Variants in IFIT3 observed in about 807,000 individuals in gnomAD.
IFIT3 encodes interferon-induced protein with tetratricopeptide repeats 3.
A neutral mutation model predicts 2.4 loss-of-function variants in IFIT3; 2 were observed. The observed-to-expected ratio is 0.82, with a 90% CI of 0.34 to 2.60. IFIT3 has a LOEUF of 2.60. Among genes scored for constraint, IFIT3 ranks in the 30% most tolerant of loss-of-function variants. IFIT3 has a pLI of 0.11. For missense variants in IFIT3, 481 were observed against 562.4 expected, an observed-to-expected ratio of 0.86 and a Z score of 1.46; for synonymous variants, 203 against 212.1, an observed-to-expected ratio of 0.96 and a Z score of 0.37.
chr10:89,337,262 C>T (rs1342159661), intron 1 of IFIT3, among the ~76,000 whole-genome samples: 1 of 152,162 alleles, frequency 6.6e-6, no homozygotes, highest in East Asian at 1.9e-4. Context: ...GGGATAATCT[C>T]TATTTTTCTT....
At chr10:89,333,464 G>A (rs994445578) in intron 1 of IFIT3, among the ~76,000 whole-genome samples, 2 of 152,136 alleles carry the variant, frequency 1.3e-5, no homozygotes, top group African/African-American at 4.8e-5. Context: ...AAGGCTTCCT[G>A]CATTGTATGT....
intron 1 of IFIT3, chr10:89,332,721 T>C: frequency 9.0e-6 from 11 of 1,228,452 alleles, no homozygotes; most frequent in South Asian, 2.4e-5. Flanking sequence ...AGATGAAATA[T>C]GCATTTATCT....
At chr10:89,335,684 C>G (rs1843726686) in intron 1 of IFIT3, 1 of 10,998 alleles carries the variant, frequency 9.1e-5, no homozygotes, top group South Asian at 6.3e-3. Flanking sequence ...CTATTAATTA[C>G]TAGTGTTCAG....
rs556783651 is a variant in IFIT3 at position 89,335,049 on chromosome 10, G to A, written c.6-3612G>A. 2.2e-4 allele frequency among the ~76,000 whole-genome samples: 34 copies of A among 152,114 alleles called. 1 individual carries two copies. The highest frequency in any genetic ancestry group is 7.5e-4 in the African/African-American group (31 of 41,496). The stretch of plus-strand genomic sequence containing the variant: ...TCTGGGGTTCATGTTTCTTCTTATC[G>A]AGGTCTCAGGCCTTCCAGTCCAATA... On this transcript the variant is annotated intron_variant, in intron 1 of 1. Coordinates refer to ENST00000371818, the MANE Select transcript of IFIT3 (RefSeq NM_001549.6).
At chr10:89,328,167 G>T in intron 1 of IFIT3, 89 bp downstream of exon 1, 1 of 1,243,672 alleles carries the variant, frequency 8.0e-7, no homozygotes. Flanking sequence ...TTCCTGAATT[G>T]TCCTGATGTT....
Position 89,339,888 on chromosome 10 carries a change from A to C in IFIT3, c.1233A>C (p.Pro411=). Residue 411 remains proline (P), a synonymous_variant, in exon 2 of 2, where the codon CCA becomes CCC. Transcript: ENST00000371818. ...QPQNVSENLL[P]QNAPNYWYLQ... ...AGAATGTATCTGAAAATCTGCTTCC[A>C]CAAAATGCACCAAATTATTGGTATC... 6.2e-7 allele frequency: 1 copy of C among 1,614,200 alleles called. No homozygotes were observed. Among genetic ancestry groups the C allele is most frequent in the Non-Finnish European group, 8.5e-7 (1 of 1,180,006 alleles).
intron 1 of IFIT3, among the ~76,000 whole-genome samples, chr10:89,329,455 G>A (rs1843629178): frequency 1.3e-5 from 2 of 152,138 alleles, no homozygotes; most frequent in African/African-American, 2.4e-5. Context: ...ACTGACCTGA[G>A]GAGGTCTGAG....
intron 1 of IFIT3, among the ~76,000 whole-genome samples, chr10:89,334,478 C>CTTTTTTTTTTT (rs578154457): frequency 5.5e-4 from 14 of 25,332 alleles, no homozygotes; most frequent in East Asian, 2.3e-3. Context: ...TTCTTTTATT[C>CTTTTTTTTTTT]TTTTTTTTTT....
chr10:89,338,522 A>T, intron 1 of IFIT3, 139 bp from the exon 2 acceptor site: 2 of 775,546 alleles, frequency 2.6e-6, no homozygotes, highest in Non-Finnish European at 4.1e-6. Context: ...AAACAACCTC[A>T]CATACATACC....
At chr10:89,332,303 A>G (rs941790825) in intron 1 of IFIT3, among the ~76,000 whole-genome samples, 1 of 152,276 alleles carries the variant, frequency 6.6e-6, no homozygotes, top group African/African-American at 2.4e-5. Context: ...GCCTCTTGAC[A>G]TAACACATTT....
chr10:89,337,996 G>A (rs542751178), intron 1 of IFIT3, among the ~76,000 whole-genome samples: 1 of 152,252 alleles, frequency 6.6e-6, no homozygotes, highest in South Asian at 2.1e-4. Flanking sequence ...TTTGTGTTAG[G>A]TGACTTTGCC....
At chr10:89,337,054 C>T (rs925317141) in intron 1 of IFIT3, among the ~76,000 whole-genome samples, 2 of 152,172 alleles carry the variant, frequency 1.3e-5, no homozygotes, top group Non-Finnish European at 2.9e-5. Flanking sequence ...TTCATTCTGT[C>T]TGGGAATCTG....
At chr10:89,334,617 C>T (rs531115843) in intron 1 of IFIT3, among the ~76,000 whole-genome samples, 15 of 147,734 alleles carry the variant, frequency 1.0e-4, no homozygotes, top group Admixed American at 1.4e-4. Context: ...CTCGGCTTCC[C>T]GAGTAGCTGG....
Position 89,339,686 on chromosome 10 carries a change from A to G in IFIT3, c.1031A>G (p.Tyr344Cys), listed in dbSNP as rs2133571128. The G allele has an allele frequency of 6.2e-7, 1 of 1,614,178 alleles. No individual in the cohort carries two copies. Among genetic ancestry groups the G allele is most frequent in the Non-Finnish European group, 8.5e-7 (1 of 1,179,992 alleles). ...GCTGAGTTCCTGGAGACGGAATGTT[A>G]TCAGACACCATTCAATAAGGAAGTC... ...DLAEFLETECYQTPFNKEVPD... is the reference protein window; with the variant it reads ...DLAEFLETECCQTPFNKEVPD... The change falls in exon 2 of 2, where the codon TAT becomes TGT. Residue 344 changes from tyrosine to cysteine, a missense_variant. Transcript: ENST00000371818.
At chr10:89,328,357 G>C (rs1308294985) in intron 1 of IFIT3, among the ~76,000 whole-genome samples, 1 of 152,290 alleles carries the variant, frequency 6.6e-6, no homozygotes, top group East Asian at 1.9e-4. Flanking sequence ...CCTGTGTGCA[G>C]CTATTTCCTG....
intron 1 of IFIT3, 33 bp downstream of exon 1, chr10:89,328,111 T>C: frequency 4.4e-6 from 7 of 1,608,410 alleles, no homozygotes; most frequent in Non-Finnish European, 6.0e-6. Flanking sequence ...ATCATGCTTG[T>C]TTTTGAGTGC....
At chr10:89,333,704 CT>C (rs951844284) in intron 1 of IFIT3, among the ~76,000 whole-genome samples, 2 of 152,156 alleles carry the variant, frequency 1.3e-5, no homozygotes, top group African/African-American at 2.4e-5. Context: ...CAAAGTTTGA[CT>C]GTTTAAAGGG....
intron 1 of IFIT3, among the ~76,000 whole-genome samples, chr10:89,336,083 C>G (rs12220500): frequency 7.0e-6 from 1 of 143,530 alleles, no homozygotes; most frequent in African/African-American, 2.6e-5. Context: ...TGAGACCACT[C>G]TGGGCAATAT....
chr10:89,339,273 C>T lies in IFIT3; in HGVS notation c.618C>T (p.Asn206=), dbSNP rs930739215. ...LKQAIELSPD[N]QYVKVLLGLK... ...AGGCCATTGAGCTGAGTCCTGATAA[C>T]CAATACGTCAAGGTTCTCTTGGGCC... The change falls in exon 2 of 2, where the codon AAC becomes AAT. Residue 206 remains asparagine, a synonymous_variant. Coordinates refer to ENST00000371818, the MANE Select transcript of IFIT3 (RefSeq NM_001549.6). 3.7e-6 allele frequency: 6 copies of T among 1,614,002 alleles called. No individual in the cohort carries two copies. The African/African-American group carries it at 8.0e-5, about 22-fold the overall frequency.
Sources: gnomAD v4.1 joint callset for allele counts (sites outside exome capture counted in the v4.1 genomes callset) on GRCh38, gnomAD v4.1.1 for gene constraint, MANE v1.5 for transcripts, NCBI Gene and HGNC (gene_info 2026-07-23, HGNC 2026-07-21) for gene names.